CATSPER3: variants seen among roughly 807,000 people sequenced by gnomAD.
CATSPER3 encodes cation channel sperm-associated protein 3.
Under a neutral mutation model 36.6 loss-of-function variants are expected in CATSPER3, and 23 were observed. The observed-to-expected ratio is 0.63, with a 90% CI of 0.45 to 0.89. The LOEUF is 0.89. CATSPER3 is among the 40% of genes least tolerant of loss of function. The pLI, the probability that CATSPER3 is intolerant of heterozygous loss-of-function variation, is 0.00. For missense variants in CATSPER3, 474 were observed against 503.9 expected (o/e 0.94, Z 0.57); for synonymous variants, 172 against 184.1 (o/e 0.93, Z 0.53).
intron 2 of CATSPER3, among the ~76,000 whole-genome samples, chr5:134,988,266 T>C (rs1451465594): frequency 6.6e-6 from 1 of 152,256 alleles, no homozygotes; most frequent in Non-Finnish European, 1.5e-5. Context: ...TTGATGTTGA[T>C]GGCTGCTAAC....
Position 135,010,613 on chromosome 5 carries a change from G to A in CATSPER3, c.1094+83G>A, listed in dbSNP as rs192161684. 3.9e-3 allele frequency: 5,062 copies of A among 1,286,452 alleles called. 14 individuals are homozygous for A. The highest frequency in any genetic ancestry group is 5.0e-3 in the Non-Finnish European group (4,411 of 885,342). 79.7% of individuals were successfully genotyped at this position (1,286,452 alleles called of 1,614,324 possible). A position where few individuals can be genotyped will look rare whatever the true frequency, so the allele number is the denominator to read the frequency against. ...TCAGGTGCCCTGGGAGAGTGAAGGG[G>A]GTGATGACTGAAGTGCTGATGGGCA... On this transcript the variant is annotated intron_variant, in intron 7 of 7. Coordinates refer to ENST00000282611, the MANE Select transcript of CATSPER3 (RefSeq NM_178019.3).
chr5:134,999,162 A>G (rs1331706336), intron 3 of CATSPER3, among the ~76,000 whole-genome samples: 5 of 152,022 alleles, frequency 3.3e-5, no homozygotes, highest in Admixed American at 6.6e-5. Context: ...ACCATTTATT[A>G]AATAGGGAAT....
intron 3 of CATSPER3, among the ~76,000 whole-genome samples, chr5:135,002,666 C>A (rs1230462112): frequency 1.3e-5 from 2 of 151,988 alleles, no homozygotes; most frequent in African/African-American, 4.8e-5. Flanking sequence ...TCGTTTTACT[C>A]TTTTTTCTCT....
chr5:134,996,869 C>G (rs188537121), intron 3 of CATSPER3, among the ~76,000 whole-genome samples: 2 of 152,300 alleles, frequency 1.3e-5, no homozygotes, highest in East Asian at 3.9e-4. Flanking sequence ...AACTACATGC[C>G]CAGGACGCCT....
intron 2 of CATSPER3, among the ~76,000 whole-genome samples, chr5:134,982,061 G>A (rs932804694): frequency 7.2e-5 from 11 of 152,260 alleles, no homozygotes; most frequent in Middle Eastern, 3.4e-3. Flanking sequence ...CCCAGGAGAC[G>A]GAGGTTATCT....
At position 135,008,516 on chromosome 5, in the gene CATSPER3, C is replaced by G. The variant is rs181066681; in HGVS notation, c.676-325C>G. Among the ~76,000 whole-genome samples, 14 of 152,300 alleles carry G rather than the reference C, an allele frequency of 9.2e-5. 1 individual carries two copies. Among genetic ancestry groups the G allele is most frequent in the Admixed American group, 2.0e-4 (3 of 15,302 alleles). ...GCATGCAAAACCCAAATCTAGAAAT[C>G]TAGATTCTGTTGGACTCTGGAAAGA... On this transcript the variant is annotated intron_variant, in intron 4 of 7. Transcript: ENST00000282611.
intron 3 of CATSPER3, among the ~76,000 whole-genome samples, chr5:134,997,755 A>T (rs1372543182): frequency 6.6e-6 from 1 of 150,934 alleles, no homozygotes; most frequent in Admixed American, 6.6e-5. Flanking sequence ...ACTTTCCAGG[A>T]CCCTCCACCT....
chr5:134,974,795 T>C (rs943116899), intron 2 of CATSPER3, among the ~76,000 whole-genome samples: 2 of 152,190 alleles, frequency 1.3e-5, no homozygotes, highest in African/African-American at 4.8e-5. Context: ...GGTATGGCAG[T>C]GAATTCCACA....
chr5:134,998,290 G>A (rs896197318), intron 3 of CATSPER3, among the ~76,000 whole-genome samples: 3 of 152,198 alleles, frequency 2.0e-5, no homozygotes, highest in African/African-American at 7.2e-5. Context: ...TGGTGTATAT[G>A]TGCCACATTT....
chr5:134,980,526 G>A (rs62380038), intron 2 of CATSPER3, among the ~76,000 whole-genome samples: 63,954 of 148,984 alleles, frequency 0.43, 13,797 homozygotes, highest in Middle Eastern at 0.48. Context: ...CAGCTCCCTG[G>A]TTCAAGTGAT....
At chr5:134,991,002 C>A (rs1345737986) in intron 2 of CATSPER3, among the ~76,000 whole-genome samples, 1 of 152,026 alleles carries the variant, frequency 6.6e-6, no homozygotes, top group Non-Finnish European at 1.5e-5. Flanking sequence ...TATGCACTAT[C>A]AATTAACAAT....
chr5:134,975,673 G>T (rs1240557493), intron 2 of CATSPER3, among the ~76,000 whole-genome samples: 3 of 152,212 alleles, frequency 2.0e-5, no homozygotes, highest in Non-Finnish European at 4.4e-5. Flanking sequence ...CTCATACATT[G>T]TTGGCAGGAA....
chr5:134,996,282 ATCT>A lies in CATSPER3; in HGVS notation c.267_269del (p.Phe90del). 6.2e-7 allele frequency: 1 copy of A among 1,614,144 alleles called. No homozygotes were observed. Among genetic ancestry groups the A allele is most frequent in the Admixed American group, 1.7e-5 (1 of 60,020 alleles). ...CTTGCTACCCCTGTAGTTCTCGGAG[ATCT>A]TCTTTGTGTCCATCTGCACATCTGA... On this transcript the variant is annotated inframe_deletion, in exon 3 of 8. Coordinates refer to ENST00000282611, the MANE Select transcript of CATSPER3 (RefSeq NM_178019.3).
chr5:135,000,598 G>T (rs1193386387), intron 3 of CATSPER3, among the ~76,000 whole-genome samples: 2 of 152,212 alleles, frequency 1.3e-5, no homozygotes, highest in East Asian at 1.9e-4. Context: ...CAATTTCAGA[G>T]CCTGTTATTG....
intron 2 of CATSPER3, among the ~76,000 whole-genome samples, chr5:134,980,838 C>T (rs1348979635): frequency 2.0e-5 from 3 of 152,086 alleles, no homozygotes; most frequent in Non-Finnish European, 4.4e-5. Flanking sequence ...AAGATCCCCA[C>T]ATATCAGCCT....
At chr5:134,978,483 TA>T (rs531732658) in intron 2 of CATSPER3, among the ~76,000 whole-genome samples, 3 of 152,006 alleles carry the variant, frequency 2.0e-5, no homozygotes, top group Non-Finnish European at 4.4e-5. Flanking sequence ...ACACAATCTA[TA>T]AAAAAACTGA....
chr5:134,980,231 C>T (rs1751733766), intron 2 of CATSPER3, among the ~76,000 whole-genome samples: 1 of 151,916 alleles, frequency 6.6e-6, no homozygotes, highest in Non-Finnish European at 1.5e-5. Context: ...ATCCTCCTGC[C>T]TGGGCCTCCC....
At chr5:134,997,778 C>T (rs1751968448) in intron 3 of CATSPER3, among the ~76,000 whole-genome samples, 1 of 152,198 alleles carries the variant, frequency 6.6e-6, no homozygotes, top group Non-Finnish European at 1.5e-5. Flanking sequence ...CTACCCCTCT[C>T]TCTTTGACCT....
intron 4 of CATSPER3, 143 bp downstream of exon 4, chr5:135,008,282 G>A: frequency 2.9e-6 from 2 of 697,970 alleles, no homozygotes; most frequent in East Asian, 2.6e-5. Context: ...GCTGGGGTCT[G>A]TTCCCCATCA....
Sources: allele counts gnomAD v4.1 joint callset (sites outside exome capture counted in the v4.1 genomes callset), GRCh38; gene constraint gnomAD v4.1.1; transcripts MANE v1.5; gene names NCBI Gene and HGNC (gene_info 2026-07-23, HGNC 2026-07-21).